The following LRP1B variants were observed in gnomAD, a reference collection of about 807,000 sequenced individuals.
The protein encoded by LRP1B is LDL receptor related protein 1B.
LRP1B carries 217 observed loss-of-function variants against 556.6 expected under a neutral mutation model. The observed-to-expected ratio is 0.39, with a 90% confidence interval of 0.35 to 0.44. The LOEUF (loss-of-function observed/expected upper bound fraction) is 0.44, where lower values mean the gene tolerates loss of function less well. Among genes scored for constraint, LRP1B ranks in the 20% least tolerant of loss-of-function variants. The pLI is 1.00. For missense variants in LRP1B, 5,053 were observed against 5,620.8 expected (o/e 0.90, Z 3.23); for synonymous variants, 2,047 against 1,865.8 (o/e 1.10, Z -2.50).
At chr2:142,107,393 T>C (rs1002590008) in intron 1 of LRP1B, among the ~76,000 whole-genome samples, 50 of 152,118 alleles carry the variant, frequency 3.3e-4, no homozygotes, top group African/African-American at 1.2e-3. Context: ...AAGGATGAGT[T>C]TGGTCCCCTT....
At chr2:141,739,711 A>G (rs1693626530) in intron 2 of LRP1B, among the ~76,000 whole-genome samples, 1 of 151,884 alleles carries the variant, frequency 6.6e-6, no homozygotes. Flanking sequence ...TTAATATAAA[A>G]GCTTTGATCA....
intron 1 of LRP1B, among the ~76,000 whole-genome samples, chr2:141,818,531 CTTTTTT>C (rs70994453): frequency 2.4e-3 from 194 of 82,072 alleles, no homozygotes; most frequent in African/African-American, 8.9e-3. Context: ...ATTTCTGTAT[CTTTTTT>C]TTTTTTTTTT....
At chr2:140,409,878 C>T (rs563337563) in intron 66 of LRP1B, among the ~76,000 whole-genome samples, 1 of 152,144 alleles carries the variant, frequency 6.6e-6, no homozygotes, top group South Asian at 2.1e-4. Flanking sequence ...CAAAGCTTTG[C>T]ACTTGCTTTC....
intron 41 of LRP1B, among the ~76,000 whole-genome samples, chr2:140,685,701 C>A (rs1171429576): frequency 6.6e-6 from 1 of 152,116 alleles, no homozygotes; most frequent in Non-Finnish European, 1.5e-5. Context: ...TCCCCTAAAA[C>A]TTAATTATAT....
At chr2:141,718,818 G>A (rs1283592963) in intron 2 of LRP1B, among the ~76,000 whole-genome samples, 1 of 152,122 alleles carries the variant, frequency 6.6e-6, no homozygotes, top group Non-Finnish European at 1.5e-5. Context: ...TTAGTTCTAG[G>A]AACAGGAATT....
chr2:141,405,251 A>C (rs2104932258), intron 3 of LRP1B, among the ~76,000 whole-genome samples: 1 of 152,324 alleles, frequency 6.6e-6, no homozygotes, highest in African/African-American at 2.4e-5. Context: ...GATTGCTTTC[A>C]GAATTTTGGT....
chr2:140,725,212 A>AT (rs1336552404), intron 35 of LRP1B, among the ~76,000 whole-genome samples: 2 of 152,148 alleles, frequency 1.3e-5, no homozygotes, highest in African/African-American at 4.8e-5. Context: ...TTTTAAAGAT[A>AT]TTTTTGGAGG....
At chr2:140,434,419 A>G (rs1027205692) in intron 66 of LRP1B, among the ~76,000 whole-genome samples, 2 of 152,190 alleles carry the variant, frequency 1.3e-5, no homozygotes, top group African/African-American at 2.4e-5. Context: ...ACAATTTCTT[A>G]TGAAGATTTC....
chr2:140,335,003 C>T (rs966759032), intron 78 of LRP1B, among the ~76,000 whole-genome samples: 1 of 151,912 alleles, frequency 6.6e-6, no homozygotes, highest in Non-Finnish European at 1.5e-5. Flanking sequence ...TGGAAGACTG[C>T]ATAATTCTAA....
At position 142,023,790 on chromosome 2, in the gene LRP1B, A is replaced by G. The variant is rs116451867; in HGVS notation, c.82+106858T>C. Among the ~76,000 whole-genome samples, 14 of 152,324 alleles carry G rather than the reference A, an allele frequency of 9.2e-5. 1 individual carries two copies. The highest frequency in any genetic ancestry group is 1.7e-4 in the African/African-American group (7 of 41,580). Reference sequence around the variant, plus strand: ...GTACTGGATAATTGTCACATCTTATATAAGTATAGGTATGTGTTTGCCTCC... The same window carrying G: ...GTACTGGATAATTGTCACATCTTATGTAAGTATAGGTATGTGTTTGCCTCC... On this transcript the variant is annotated intron_variant, in intron 1 of 90. Transcript: ENST00000389484.
chr2:140,514,751 T>G lies in LRP1B; in HGVS notation c.8171A>C (p.Gln2724Pro). ...FHCDSSCSWN[Q>P]FACSAQKCIS... is the part of the protein sequence containing the mutation. The stretch of plus-strand genomic sequence containing the variant: ...ACATTTTTGTGCGGAACAAGCAAAT[T>G]GGTTCCAAGAGCAAGAAGAATCTAG... The change falls in exon 51 of 91, where the codon CAA becomes CCA. Residue 2724 changes from glutamine (Q) to proline (P), a missense_variant. Coordinates refer to ENST00000389484, the MANE Select transcript of LRP1B (RefSeq NM_018557.3). 1 of 1,611,390 alleles carries G rather than the reference T, an allele frequency of 6.2e-7. No homozygotes were observed. Among genetic ancestry groups the G allele is most frequent in the Non-Finnish European group, 8.5e-7 (1 of 1,178,336 alleles).
chr2:141,088,004 T>G (rs1432359411), intron 7 of LRP1B, among the ~76,000 whole-genome samples: 8 of 152,232 alleles, frequency 5.3e-5, no homozygotes, highest in Non-Finnish European at 1.0e-4. Flanking sequence ...AACTTAAATG[T>G]GGTTTTCTAT....
At chr2:141,686,583 C>G (rs555605194) in intron 2 of LRP1B, among the ~76,000 whole-genome samples, 1 of 151,988 alleles carries the variant, frequency 6.6e-6, no homozygotes, top group East Asian at 1.9e-4. Flanking sequence ...TCTACTATGC[C>G]ATATTGTTTC....
At chr2:141,667,712 C>G (rs2105406640) in intron 2 of LRP1B, among the ~76,000 whole-genome samples, 1 of 152,320 alleles carries the variant, frequency 6.6e-6, no homozygotes, top group African/African-American at 2.4e-5. Context: ...CTCTTCATTA[C>G]ACATCACATT....
chr2:140,591,978 A>G (rs904670719), intron 43 of LRP1B, among the ~76,000 whole-genome samples: 10 of 152,158 alleles, frequency 6.6e-5, no homozygotes, highest in Non-Finnish European at 1.5e-5. Context: ...AACCTACTTG[A>G]TATGTATCTG....
intron 1 of LRP1B, among the ~76,000 whole-genome samples, chr2:142,042,556 G>T (rs561039947): frequency 3.1e-4 from 47 of 151,330 alleles, no homozygotes; most frequent in African/African-American, 9.9e-4. Context: ...GACTTTTTTT[G>T]ATTTAACTGT....
chr2:141,299,298 T>C (rs1387033217), intron 3 of LRP1B, among the ~76,000 whole-genome samples: 1 of 152,226 alleles, frequency 6.6e-6, no homozygotes, highest in Non-Finnish European at 1.5e-5. Context: ...TCAATTTCAC[T>C]ATCTGCAATT....
intron 18 of LRP1B, 148 bp downstream of exon 18, chr2:140,982,012 G>A: frequency 1.7e-6 from 1 of 575,606 alleles, no homozygotes; most frequent in Admixed American, 3.0e-5. Flanking sequence ...GCACAATCAG[G>A]TCCAAAAGTT....
intron 68 of LRP1B, among the ~76,000 whole-genome samples, chr2:140,373,805 A>T (rs2105173713): frequency 6.6e-6 from 1 of 152,254 alleles, no homozygotes; most frequent in Non-Finnish European, 1.5e-5. Context: ...TTCAAAAATT[A>T]TTTCTAAGCA....
Sources: gnomAD v4.1 joint callset for allele counts (sites outside exome capture counted in the v4.1 genomes callset) on GRCh38, gnomAD v4.1.1 for gene constraint, MANE v1.5 for transcripts, NCBI Gene and HGNC (gene_info 2026-07-23, HGNC 2026-07-21) for gene names.